Variants in STK32B observed in about 807,000 individuals in gnomAD.
STK32B encodes the protein serine/threonine-protein kinase 32B.
Under a neutral mutation model 52.6 loss-of-function variants are expected in STK32B, and 43 were observed. The observed-to-expected ratio is 0.82, with a 90% CI of 0.64 to 1.05. The LOEUF is 1.05. Among genes scored for constraint, STK32B ranks in the 50% least tolerant of loss-of-function variants. The probability of loss-of-function intolerance (pLI) is 0.00; values close to 1 mark genes in which losing one functional copy is unlikely to be tolerated. For missense variants in STK32B, 621 were observed against 534.6 expected (o/e 1.16, Z -1.59); for synonymous variants, 238 against 204.3 (o/e 1.17, Z -1.41).
At chr4:5,178,970 T>TA (rs1720140021) in intron 3 of STK32B, among the ~76,000 whole-genome samples, 1 of 152,232 alleles carries the variant, frequency 6.6e-6, no homozygotes, top group Non-Finnish European at 1.5e-5. Flanking sequence ...GGTGTCCCTA[T>TA]AGCGGTGCCT....
intron 3 of STK32B, among the ~76,000 whole-genome samples, chr4:5,246,890 T>C (rs943432624): frequency 9.9e-5 from 15 of 152,154 alleles, no homozygotes; most frequent in Non-Finnish European, 2.1e-4. Flanking sequence ...GAACAGTGGA[T>C]ATTGGTGAGC....
At chr4:5,088,324 G>T (rs2108780914) in intron 1 of STK32B, among the ~76,000 whole-genome samples, 1 of 152,064 alleles carries the variant, frequency 6.6e-6, no homozygotes, top group South Asian at 2.1e-4. Context: ...GAGAGTAGAA[G>T]GATGGTTACC....
intron 4 of STK32B, among the ~76,000 whole-genome samples, chr4:5,372,684 A>G (rs551626967): frequency 2.6e-4 from 36 of 139,954 alleles, no homozygotes; most frequent in Non-Finnish European, 4.5e-4. Context: ...AACTGCATCT[A>G]CACACTTCGA....
At position 5,182,463 on chromosome 4, in the gene STK32B, C is replaced by T. The variant is rs114150243; in HGVS notation, c.260+14013C>T. Among the ~76,000 whole-genome samples the T allele has an allele frequency of 5.4e-3, 819 of 150,432 alleles. 7 individuals are homozygous for T. The highest frequency in any genetic ancestry group is 0.018 in the African/African-American group (741 of 40,998). On this transcript the variant is annotated intron_variant, in intron 3 of 11. Coordinates refer to ENST00000282908, the MANE Select transcript of STK32B (RefSeq NM_018401.3). ...CCTTACAAAATGTCCTTTTTTTTTC[C>T]TTTTTTTTTGTTTTTTGAGACAGAG... is the stretch of plus-strand genomic sequence containing the variant.
intron 11 of STK32B, among the ~76,000 whole-genome samples, chr4:5,490,086 G>C (rs1162877701): frequency 6.6e-6 from 1 of 150,446 alleles, no homozygotes; most frequent in Admixed American, 6.7e-5. Context: ...TAAATTTTAA[G>C]ATCTTTTTGT....
intron 3 of STK32B, among the ~76,000 whole-genome samples, chr4:5,249,501 T>C (rs375511791): frequency 1.9e-3 from 241 of 124,788 alleles, no homozygotes; most frequent in South Asian, 2.9e-3. Context: ...CTTCCTTCCT[T>C]CCTCCCTCCC....
At chr4:5,126,672 T>G (rs1307761780) in intron 1 of STK32B, among the ~76,000 whole-genome samples, 3 of 152,234 alleles carry the variant, frequency 2.0e-5, no homozygotes, top group Non-Finnish European at 4.4e-5. Context: ...TGAGATAGCT[T>G]TAGTTACTTC....
At chr4:5,031,204 T>G in the STK32B span, among the ~76,000 whole-genome samples, 166 of 152,274 alleles carry the variant, frequency 1.1e-3, no homozygotes, top group African/African-American at 3.7e-3. Context: ...TAAATGTTCA[T>G]CTCATGTTAA....
Position 5,113,898 on chromosome 4 carries a change from A to G in STK32B, c.53-26007A>G, listed in dbSNP as rs988946331. On this transcript the variant is annotated intron_variant, in intron 1 of 11. Transcript: ENST00000282908. ...TCTTACGTGGATGGTGGCAGGCAAA[A>G]AGAAAGAGAGCTTATGCAGGGAAAC... Among the ~76,000 whole-genome samples, 3 of 149,048 alleles carry G rather than the reference A, an allele frequency of 2.0e-5. No individual in the cohort carries two copies. The Admixed American group carries it at 2.0e-4, about 10-fold the overall frequency.
intron 2 of STK32B, among the ~76,000 whole-genome samples, chr4:5,140,590 G>A (rs370082090): frequency 3.0e-4 from 46 of 152,302 alleles, no homozygotes; most frequent in Middle Eastern, 6.8e-3. Context: ...AGATGGAGCA[G>A]GTTACCCTTG....
At chr4:5,427,160 G>T (rs1243032337) in intron 6 of STK32B, among the ~76,000 whole-genome samples, 3 of 152,144 alleles carry the variant, frequency 2.0e-5, no homozygotes, top group African/African-American at 7.2e-5. Context: ...AGATAATCCT[G>T]TGGTTTCTCT....
intron 7 of STK32B, among the ~76,000 whole-genome samples, chr4:5,451,493 C>A (rs1159929774): frequency 6.6e-6 from 1 of 152,174 alleles, no homozygotes; most frequent in African/African-American, 2.4e-5. Context: ...TCATATTATA[C>A]ATAGAACCAC....
chr4:5,327,124 G>C (rs554997383), intron 3 of STK32B, among the ~76,000 whole-genome samples: 6 of 152,004 alleles, frequency 3.9e-5, no homozygotes, highest in Non-Finnish European at 7.4e-5. Flanking sequence ...CAGCAATTTA[G>C]TCACATTTTC....
rs142274641 is a variant in STK32B, at chr4:5,248,493, CTG to C, written c.260+80045_260+80046del. 2.3e-3 allele frequency among the ~76,000 whole-genome samples: 344 copies of C among 152,296 alleles called. 3 individuals are homozygous for C. Among genetic ancestry groups the C allele is most frequent in the African/African-American group, 6.8e-3 (283 of 41,566 alleles). ...TAAACATAGGGCCACCATTGCAAAA[CTG>C]TACTGGTCAATTTAACTCCTCATGT... On this transcript the variant is annotated intron_variant, in intron 3 of 11. Coordinates refer to ENST00000282908, the MANE Select transcript of STK32B (RefSeq NM_018401.3).
At chr4:5,465,183 A>C (rs1421539812) in intron 9 of STK32B, among the ~76,000 whole-genome samples, 1 of 152,160 alleles carries the variant, frequency 6.6e-6, no homozygotes, top group Non-Finnish European at 1.5e-5. Flanking sequence ...CACGAATGAC[A>C]CAGTGACAAC....
chr4:5,167,086 C>T (rs56082002), intron 2 of STK32B, among the ~76,000 whole-genome samples: 2 of 152,172 alleles, frequency 1.3e-5, no homozygotes, highest in African/African-American at 4.8e-5. Context: ...GATTCCCTTT[C>T]CCTCAAAGCC....
chr4:5,310,691 A>G (rs1191332225), intron 3 of STK32B, among the ~76,000 whole-genome samples: 1 of 152,178 alleles, frequency 6.6e-6, no homozygotes, highest in Non-Finnish European at 1.5e-5. Flanking sequence ...ACTACTAGGT[A>G]TATATCCAAA....
intron 4 of STK32B, among the ~76,000 whole-genome samples, chr4:5,389,557 G>T (rs1467408540): frequency 6.6e-6 from 1 of 152,158 alleles, no homozygotes; most frequent in African/African-American, 2.4e-5. Context: ...GATTGGATTT[G>T]AGTCTACTCT....
Position 5,140,111 on chromosome 4 carries a change from C to T in STK32B, c.108+151C>T. 1.4e-6 allele frequency: 2 copies of T among 1,419,098 alleles called. 1 individual carries two copies. Among genetic ancestry groups the T allele is most frequent in the South Asian group, 2.4e-5 (2 of 84,148 alleles). 87.9% of individuals were successfully genotyped at this position (1,419,098 alleles called of 1,614,324 possible). A position where few individuals can be genotyped will look rare whatever the true frequency, so the allele number is the denominator to read the frequency against. The stretch of plus-strand genomic sequence containing the variant: ...ATGTGAAAGGAAGTCTGAATAGTTT[C>T]CTTGCGATCTGGTGTAATTTTCTTC... On this transcript the variant is annotated intron_variant, in intron 2 of 11. Coordinates refer to ENST00000282908, the MANE Select transcript of STK32B (RefSeq NM_018401.3).
Sources: gnomAD v4.1 joint callset for allele counts (sites outside exome capture counted in the v4.1 genomes callset) on GRCh38, gnomAD v4.1.1 for gene constraint, MANE v1.5 for transcripts, NCBI Gene and HGNC (gene_info 2026-07-23, HGNC 2026-07-21) for gene names.